Variants in PDE7A observed in about 807,000 individuals in gnomAD.
The protein encoded by PDE7A is phosphodiesterase 7A.
A neutral mutation model predicts 64.3 loss-of-function variants in PDE7A; 39 were observed. The ratio of observed to expected loss-of-function variants is 0.61; its 90% CI spans 0.47 to 0.79. The LOEUF (loss-of-function observed/expected upper bound fraction) is 0.79, where lower values mean the gene tolerates loss of function less well. PDE7A is among the 30% of genes least tolerant of loss of function. PDE7A has a pLI of 0.00. For missense variants in PDE7A, 470 were observed against 582.8 expected (o/e 0.81, Z 1.99); for synonymous variants, 203 against 206.8 (o/e 0.98, Z 0.16).
At chr8:65,769,605 T>C (rs1273798633) in intron 3 of PDE7A, among the ~76,000 whole-genome samples, 5 of 152,176 alleles carry the variant, frequency 3.3e-5, no homozygotes, top group Admixed American at 3.3e-4. Flanking sequence ...TTAACAAATA[T>C]GTGATCTAGA....
chr8:65,723,385 A>C, intron 12 of PDE7A, 156 bp downstream of exon 12: 1 of 604,616 alleles, frequency 1.7e-6, no homozygotes, highest in Non-Finnish European at 2.4e-6. Flanking sequence ...GAATTAGAAG[A>C]GCCATAACAA....
chr8:65,744,426 G>C (rs1447633352), intron 5 of PDE7A, among the ~76,000 whole-genome samples: 2 of 152,146 alleles, frequency 1.3e-5, no homozygotes, highest in African/African-American at 4.8e-5. Flanking sequence ...TCCTAAATAA[G>C]AGTGATTCCC....
At chr8:65,827,235 A>G (rs1415931251) in intron 1 of PDE7A, among the ~76,000 whole-genome samples, 1 of 152,182 alleles carries the variant, frequency 6.6e-6, no homozygotes, top group African/African-American at 2.4e-5. Flanking sequence ...GAAACATTCA[A>G]CAGAAGAGAT....
intron 3 of PDE7A, 90 bp downstream of exon 3, chr8:65,779,630 T>C (rs1336296155): frequency 1.5e-6 from 1 of 676,042 alleles, no homozygotes; most frequent in Non-Finnish European, 2.5e-6. Context: ...AGAGTTTTTT[T>C]TCTGGTATTC....
At chr8:65,762,519 G>T (rs1381745595) in intron 3 of PDE7A, among the ~76,000 whole-genome samples, 1 of 152,138 alleles carries the variant, frequency 6.6e-6, no homozygotes, top group African/African-American at 2.4e-5. Flanking sequence ...TACTAGTTCT[G>T]TGACATTAAA....
At chr8:65,823,817 G>C (rs914980418) in intron 1 of PDE7A, among the ~76,000 whole-genome samples, 1 of 151,968 alleles carries the variant, frequency 6.6e-6, no homozygotes, top group Non-Finnish European at 1.5e-5. Flanking sequence ...AATAATAAAC[G>C]TACTGCTATT....
chr8:65,725,815 G>C (rs1806583540), intron 9 of PDE7A, among the ~76,000 whole-genome samples: 1 of 152,002 alleles, frequency 6.6e-6, no homozygotes, highest in South Asian at 2.1e-4. Flanking sequence ...TGAAAAACAT[G>C]ATTTTTAAAA....
chr8:65,816,573 GTATTT>G (rs1408568064), intron 1 of PDE7A, among the ~76,000 whole-genome samples: 1 of 152,170 alleles, frequency 6.6e-6, no homozygotes, highest in Non-Finnish European at 1.5e-5. Flanking sequence ...CTGTAGGAAT[GTATTT>G]ATTTCACCTT....
At chr8:65,736,888 C>CTT (rs35543290) in intron 6 of PDE7A, among the ~76,000 whole-genome samples, 1 of 133,742 alleles carries the variant, frequency 7.5e-6, no homozygotes, top group African/African-American at 2.7e-5. Flanking sequence ...GGTATTGAGG[C>CTT]TTTTTTTTTT....
chr8:65,813,660 AT>A (rs776667355), intron 1 of PDE7A, among the ~76,000 whole-genome samples: 1 of 152,208 alleles, frequency 6.6e-6, no homozygotes, highest in African/African-American at 2.4e-5. Context: ...CATTGACTTT[AT>A]TTTTTAATGT....
chr8:65,821,468 TC>T (rs1200849009), intron 1 of PDE7A, among the ~76,000 whole-genome samples: 1 of 152,230 alleles, frequency 6.6e-6, no homozygotes, highest in Admixed American at 6.5e-5. Flanking sequence ...AACTATATAA[TC>T]CCTCTAAAAA....
chr8:65,725,732 A>C, intron 9 of PDE7A: 1 of 152,210 alleles, frequency 6.6e-6, no homozygotes, highest in Admixed American at 6.5e-5. Context: ...AAAACATTAA[A>C]TAATGCTATT....
At position 65,717,331 on chromosome 8, in the gene PDE7A, G is replaced by A. The variant is rs186666513; in HGVS notation, c.*1959C>T. ...GTTTACAACTGATATCAATCAAGTA[G>A]AGTGGAGTGGCCTTTTCTTATCACT... On this transcript the variant is annotated 3_prime_UTR_variant, in exon 13 of 13. Transcript: ENST00000401827. Among the ~76,000 whole-genome samples, 1 of 152,362 alleles carries A rather than the reference G, an allele frequency of 6.6e-6. No individual in the cohort carries two copies. Among genetic ancestry groups the A allele is most frequent in the Admixed American group, 6.5e-5 (1 of 15,294 alleles).
At chr8:65,755,689 C>T (rs2128911143) in intron 3 of PDE7A, among the ~76,000 whole-genome samples, 1 of 152,318 alleles carries the variant, frequency 6.6e-6, no homozygotes, top group East Asian at 1.9e-4. Context: ...TATATATTTA[C>T]TTGTGTAGTA....
At chr8:65,808,064 T>C (rs565337424) in intron 1 of PDE7A, among the ~76,000 whole-genome samples, 1 of 152,296 alleles carries the variant, frequency 6.6e-6, no homozygotes, top group East Asian at 1.9e-4. Flanking sequence ...CCCACCCCCA[T>C]TCAGTGATAC....
At chr8:65,753,643 C>T (rs1222039392) in intron 3 of PDE7A, among the ~76,000 whole-genome samples, 1 of 152,080 alleles carries the variant, frequency 6.6e-6, no homozygotes, top group Non-Finnish European at 1.5e-5. Context: ...TTACCTCTAA[C>T]TGGATTATAG....
chr8:65,810,711 A>G (rs2128929778), intron 1 of PDE7A, among the ~76,000 whole-genome samples: 2 of 152,312 alleles, frequency 1.3e-5, no homozygotes, highest in Admixed American at 1.3e-4. Flanking sequence ...TAAATGACCC[A>G]AAATCATGTG....
chr8:65,829,376 A>G (rs1167038715), intron 1 of PDE7A, among the ~76,000 whole-genome samples: 1 of 152,036 alleles, frequency 6.6e-6, no homozygotes, highest in Non-Finnish European at 1.5e-5. Flanking sequence ...TATGTTAATT[A>G]AAAGTAACTC....
In PDE7A at chr8:65,714,388, G is replaced by T. The variant is rs149934433; in HGVS notation, c.*4902C>A. The T allele has an allele frequency of 6.6e-6, 1 of 152,096 alleles. No individual in the cohort carries two copies. The highest frequency in any genetic ancestry group is 1.9e-4 in the East Asian group (1 of 5,186). 9.4% of individuals were successfully genotyped at this position (152,096 alleles called of 1,614,324 possible). ...GCCCAATGTACACCAGCCCTATGGTGAGCACAGGAACCAGGAAGATGGAGG... is the reference window on the plus strand; with the variant it reads ...GCCCAATGTACACCAGCCCTATGGTTAGCACAGGAACCAGGAAGATGGAGG... On this transcript the variant is annotated 3_prime_UTR_variant, in exon 13 of 13. Coordinates refer to ENST00000401827, the MANE Select transcript of PDE7A (RefSeq NM_001242318.3).
Sources: gnomAD v4.1 joint callset for allele counts (sites outside exome capture counted in the v4.1 genomes callset) on GRCh38, gnomAD v4.1.1 for gene constraint, MANE v1.5 for transcripts, NCBI Gene and HGNC (gene_info 2026-07-23, HGNC 2026-07-21) for gene names.